The following RAB39A variants were observed in gnomAD, a reference collection of about 807,000 sequenced individuals.
RAB39A encodes RAB39A, member RAS oncogene family, also known as ras-related protein Rab-39A.
In RAB39A, 17 loss-of-function variants were observed where a neutral mutation model predicts 20.9. That is an observed-to-expected ratio of 0.81 (90% CI 0.56 to 1.22). The LOEUF (loss-of-function observed/expected upper bound fraction) is 1.22. RAB39A is among the 50% of genes most tolerant of loss of function. The pLI is 0.00. For missense variants in RAB39A, 234 were observed against 270.5 expected (o/e 0.87, Z 0.95); for synonymous variants, 99 against 103.4 (o/e 0.96, Z 0.26).
At chr11:107,947,996 A>G (rs1233047995) in intron 1 of RAB39A, among the ~76,000 whole-genome samples, 1 of 151,366 alleles carries the variant, frequency 6.6e-6, no homozygotes, top group African/African-American at 2.4e-5. Flanking sequence ...ACACACACAC[A>G]CACACACAAG....
At chr11:107,945,427 G>A (rs916507562) in intron 1 of RAB39A, among the ~76,000 whole-genome samples, 1 of 149,948 alleles carries the variant, frequency 6.7e-6, no homozygotes, top group Non-Finnish European at 1.5e-5. Flanking sequence ...AATGACAATA[G>A]TATTTTTTCC....
intron 1 of RAB39A, among the ~76,000 whole-genome samples, chr11:107,940,955 G>A (rs1047585307): frequency 1.3e-5 from 2 of 151,688 alleles, no homozygotes; most frequent in Non-Finnish European, 2.9e-5. Context: ...CCAAGCGACA[G>A]AGCAAGAGTC....
rs147069504 is a variant in RAB39A at position 107,943,218 on chromosome 11, A to G, written c.227+14423A>G. Reference sequence around the variant, plus strand: ...GATGTTCTAAAGCTTCATAAGTACTATGAAATAGCTTTCCAATCCTTAAAT... The same window carrying G: ...GATGTTCTAAAGCTTCATAAGTACTGTGAAATAGCTTTCCAATCCTTAAAT... On this transcript the variant is annotated intron_variant, in intron 1 of 1. Transcript: ENST00000320578. Among the ~76,000 whole-genome samples, 12 of 152,294 alleles carry G rather than the reference A, an allele frequency of 7.9e-5. No homozygotes were observed. In the East Asian group the frequency reaches 2.1e-3, roughly 27 times the overall value.
intron 1 of RAB39A, among the ~76,000 whole-genome samples, chr11:107,943,877 T>G (rs1358591266): frequency 6.6e-6 from 1 of 152,038 alleles, no homozygotes; most frequent in East Asian, 1.9e-4. Flanking sequence ...GGTGGATTAC[T>G]TGAGGTCAGG....
At chr11:107,952,265 T>C (rs1347592114) in intron 1 of RAB39A, among the ~76,000 whole-genome samples, 4 of 152,196 alleles carry the variant, frequency 2.6e-5, no homozygotes, top group Non-Finnish European at 5.9e-5. Context: ...TGGATGGACC[T>C]TGAGGACACT....
At chr11:107,940,701 G>A (rs767544215) in intron 1 of RAB39A, among the ~76,000 whole-genome samples, 5 of 152,144 alleles carry the variant, frequency 3.3e-5, no homozygotes, top group Admixed American at 2.0e-4. Context: ...GGCCGGGTGT[G>A]GTGGCTCATG....
chr11:107,928,577 C>T lies in RAB39A; in HGVS notation c.9C>T (p.Thr3=), dbSNP rs1861105683. ME[T]IWIYQFRLIV... Reference sequence around the variant, plus strand: ...AGCGGGGCACGTGAGCGATGGAGACCATCTGGATCTACCAGTTCCGCCTCA... The same window carrying T: ...AGCGGGGCACGTGAGCGATGGAGACTATCTGGATCTACCAGTTCCGCCTCA... The change falls in exon 1 of 2, where the codon ACC becomes ACT. Residue 3 remains threonine, a synonymous_variant. Transcript: ENST00000320578. This position sits in a 1 kb window ranked among gnomAD's most constrained non-coding sequence, Gnocchi z 4.9. The T allele has an allele frequency of 1.3e-6, 2 of 1,540,042 alleles. No homozygotes were observed. Among genetic ancestry groups the T allele is most frequent in the Non-Finnish European group, 1.8e-6 (2 of 1,130,878 alleles).
Position 107,954,987 on chromosome 11 carries a change from CTTTTTTTTTTT to C in RAB39A, c.228-6942_228-6932del, listed in dbSNP as rs60838211. Among the ~76,000 whole-genome samples the C allele has an allele frequency of 5.5e-5, 3 of 54,894 alleles. No homozygotes were observed. The South Asian group carries it at 3.9e-3, about 71-fold the overall frequency. 36.0% of individuals were successfully genotyped at this position (54,894 alleles called of 152,430 possible). On this transcript the variant is annotated intron_variant, in intron 1 of 1. Coordinates refer to ENST00000320578, the MANE Select transcript of RAB39A (RefSeq NM_017516.3). ...AATAGTATTTGACAAAGAAAGCATGCTTTTTTTTTTTTTTTTTTTTTTTTTTTGAGACAGAG... is the reference window on the plus strand; with the variant it reads ...AATAGTATTTGACAAAGAAAGCATGCTTTTTTTTTTTTTTTTGAGACAGAG...
At chr11:107,930,771 G>T (rs182301351) in intron 1 of RAB39A, among the ~76,000 whole-genome samples, 2 of 151,932 alleles carry the variant, frequency 1.3e-5, no homozygotes, top group South Asian at 4.2e-4. Flanking sequence ...CAGGAGAATC[G>T]CTTGAACCTG....
chr11:107,948,108 A>C (rs1861337499), intron 1 of RAB39A, among the ~76,000 whole-genome samples: 1 of 152,122 alleles, frequency 6.6e-6, no homozygotes, highest in African/African-American at 2.4e-5. Flanking sequence ...TCTTAGGATC[A>C]CGTGTGTGCT....
intron 1 of RAB39A, among the ~76,000 whole-genome samples, chr11:107,948,514 A>G (rs1861341310): frequency 6.6e-6 from 1 of 151,902 alleles, no homozygotes; most frequent in East Asian, 1.9e-4. Context: ...CCCAGCCGAG[A>G]GGGATTCTCA....
chr11:107,952,643 A>C (rs1458882777), intron 1 of RAB39A, among the ~76,000 whole-genome samples: 3 of 152,150 alleles, frequency 2.0e-5, no homozygotes, highest in African/African-American at 4.8e-5. Context: ...GCACTTTGGG[A>C]GGCCGAGGCA....
intron 1 of RAB39A, among the ~76,000 whole-genome samples, chr11:107,942,413 G>C (rs947135083): frequency 2.2e-4 from 33 of 152,060 alleles, no homozygotes; most frequent in African/African-American, 7.0e-4. Context: ...TTTGTTTTTT[G>C]AGATGGGGTC....
intron 1 of RAB39A, among the ~76,000 whole-genome samples, chr11:107,945,318 C>CAAAAAAAAAAAAA (rs33940061): frequency 2.3e-5 from 2 of 87,448 alleles, no homozygotes. Context: ...CCCGTCTCTA[C>CAAAAAAAAAAAAA]AAAAAAAAAA....
chr11:107,960,453 C>G (rs150384150), intron 1 of RAB39A, among the ~76,000 whole-genome samples: 2 of 152,184 alleles, frequency 1.3e-5, no homozygotes, highest in African/African-American at 4.8e-5. Context: ...ATAGGAGTTT[C>G]TTAGACAGAA....
At chr11:107,957,909 T>G (rs757697043) in intron 1 of RAB39A, among the ~76,000 whole-genome samples, 2 of 152,074 alleles carry the variant, frequency 1.3e-5, no homozygotes, top group Non-Finnish European at 1.5e-5. Flanking sequence ...TTCTTTCTTT[T>G]TTTTGAGACA....
chr11:107,931,604 A>C (rs1281228213), intron 1 of RAB39A, among the ~76,000 whole-genome samples: 2 of 152,206 alleles, frequency 1.3e-5, no homozygotes, highest in Non-Finnish European at 2.9e-5. Context: ...TGAATAATAG[A>C]TATCATTGCA....
At chr11:107,934,408 T>C (rs1861171231) in intron 1 of RAB39A, among the ~76,000 whole-genome samples, 1 of 152,108 alleles carries the variant, frequency 6.6e-6, no homozygotes, top group African/African-American at 2.4e-5. Context: ...CACTCCAGCC[T>C]GGGTGACAGA....
At position 107,960,742 on chromosome 11, in the gene RAB39A, C is replaced by T. The variant is rs750452633; in HGVS notation, c.228-1204C>T. ...AGGACAGAGAATGGTATTACCAGAA[C>T]GTGGTGACAGCTGTAGCCATGGGAG... On this transcript the variant is annotated intron_variant, in intron 1 of 1. Transcript: ENST00000320578. Among the ~76,000 whole-genome samples, 5 of 152,254 alleles carry T rather than the reference C, an allele frequency of 3.3e-5. No homozygotes were observed. The Middle Eastern group carries it at 0.01, about 311-fold the overall frequency.
Sources: allele counts gnomAD v4.1 joint callset (sites outside exome capture counted in the v4.1 genomes callset), GRCh38; gene constraint gnomAD v4.1.1; non-coding constraint Gnocchi (gnomAD v3.1); transcripts MANE v1.5; gene names NCBI Gene and HGNC (gene_info 2026-07-23, HGNC 2026-07-21).